The following TMEM41B variants were observed in gnomAD, a reference collection of about 807,000 sequenced individuals.
The protein encoded by TMEM41B is transmembrane protein 41B, also known as protein stasimon.
Under a neutral mutation model 31.9 loss-of-function variants are expected in TMEM41B, and 18 were observed. That is an observed-to-expected ratio of 0.56 (90% CI 0.39 to 0.84). TMEM41B has a LOEUF of 0.84. Ranked by LOEUF, TMEM41B falls within the 40% of genes least tolerant of loss-of-function variation. The pLI is 0.00. For synonymous variants in TMEM41B, 144 were observed against 124.3 expected, an observed-to-expected ratio of 1.16 and a Z score of -1.05; for missense variants, 322 against 348.0, an observed-to-expected ratio of 0.93 and a Z score of 0.59.
chr11:9,290,859 C>CT (rs1455000992), intron 3 of TMEM41B, among the ~76,000 whole-genome samples: 1 of 152,186 alleles, frequency 6.6e-6, no homozygotes, highest in Non-Finnish European at 1.5e-5. Context: ...TGGCTCCCGC[C>CT]TGTAATCCCA....
At chr11:9,291,505 G>T (rs1023362933) in intron 3 of TMEM41B, among the ~76,000 whole-genome samples, 1 of 150,432 alleles carries the variant, frequency 6.6e-6, no homozygotes, top group Non-Finnish European at 1.5e-5. Flanking sequence ...AGGTTCAAGC[G>T]ATTCTCCTGC....
At chr11:9,290,710 T>A (rs1481267100) in intron 3 of TMEM41B, among the ~76,000 whole-genome samples, 10 of 152,194 alleles carry the variant, frequency 6.6e-5, no homozygotes, top group Non-Finnish European at 5.9e-5. Flanking sequence ...CTGTATTTTT[T>A]CCTTTCCCAA....
chr11:9,281,105 C>T lies in TMEM41B; in HGVS notation c.*2319G>A, dbSNP rs1428876699. ...ATCAATGGTAAGGACAGTAAATATA[C>T]TCTGAGAATAGAGTAAGTACAATTT... On this transcript the variant is annotated 3_prime_UTR_variant, in exon 7 of 7. Transcript: ENST00000528080. The T allele has an allele frequency of 1.3e-5, 2 of 151,902 alleles. No homozygotes were observed. The highest frequency in any genetic ancestry group is 2.9e-5 in the Non-Finnish European group (2 of 67,910). 9.4% of individuals were successfully genotyped at this position (151,902 alleles called of 1,614,324 possible).
chr11:9,311,424 G>C, intron 1 of TMEM41B: 1 of 1,384,654 alleles, frequency 7.2e-7, no homozygotes, highest in East Asian at 2.3e-5. Context: ...ACTCACAGGA[G>C]GCATTCCAGG....
intron 1 of TMEM41B, among the ~76,000 whole-genome samples, chr11:9,310,795 C>T (rs1312989054): frequency 2.0e-5 from 3 of 151,460 alleles, no homozygotes; most frequent in Non-Finnish European, 4.4e-5. Context: ...CAAAGCTCAT[C>T]GACCAAACAG....
rs1852763525 is a variant in TMEM41B at position 9,283,303 on chromosome 11, G to C, written c.*121C>G. The C allele has an allele frequency of 1.3e-6, 1 of 792,798 alleles. No homozygotes were observed. Among genetic ancestry groups the C allele is most frequent in the Non-Finnish European group, 1.9e-6 (1 of 523,038 alleles). The allele number at this position is 792,798 out of a possible 1,614,324, so 49.1% of individuals were successfully genotyped here. On this transcript the variant is annotated 3_prime_UTR_variant, in exon 7 of 7. Transcript: ENST00000528080. ...ATGTATTACTTTAACTATCTGATAG[G>C]AAATTTTATTTTACAAATTCCTTGT...
At chr11:9,299,046 C>T (rs1260614204) in intron 2 of TMEM41B, among the ~76,000 whole-genome samples, 2 of 151,678 alleles carry the variant, frequency 1.3e-5, no homozygotes, top group Non-Finnish European at 2.9e-5. Flanking sequence ...TTTGGGAGGC[C>T]GAGGCAGGTG....
In TMEM41B at chr11:9,286,678, T is replaced by C. The variant is rs1852844618; in HGVS notation, c.568-85A>G. On this transcript the variant is annotated intron_variant, in intron 5 of 6. Coordinates refer to ENST00000528080, the MANE Select transcript of TMEM41B (RefSeq NM_015012.4). ...AATATAAACACCTTATTTCAAATTCTCATTCCTGATACTTCAGAGTATACC... is the reference window on the plus strand; with the variant it reads ...AATATAAACACCTTATTTCAAATTCCCATTCCTGATACTTCAGAGTATACC... 4 of 1,338,548 alleles carry C rather than the reference T, an allele frequency of 3.0e-6. No individual in the cohort carries two copies. In the South Asian group the frequency reaches 5.7e-5, roughly 19 times the overall value. 82.9% of individuals were successfully genotyped at this position (1,338,548 alleles called of 1,614,324 possible).
At chr11:9,284,067 A>C (rs1852782530) in intron 6 of TMEM41B, among the ~76,000 whole-genome samples, 1 of 151,990 alleles carries the variant, frequency 6.6e-6, no homozygotes, top group Non-Finnish European at 1.5e-5. Context: ...TACAGGCATG[A>C]GCCCCTGCAC....
rs564381791 is a variant in TMEM41B, at chr11:9,281,103, T to C, written c.*2321A>G. On this transcript the variant is annotated 3_prime_UTR_variant, in exon 7 of 7. Transcript: ENST00000528080. ...GAATCAATGGTAAGGACAGTAAATA[T>C]ACTCTGAGAATAGAGTAAGTACAAT... The C allele has an allele frequency of 3.9e-5, 6 of 152,290 alleles. No individual in the cohort carries two copies. Among genetic ancestry groups the C allele is most frequent in the African/African-American group, 1.4e-4 (6 of 41,560 alleles). The allele number at this position is 152,290 out of a possible 1,614,324, so 9.4% of individuals were successfully genotyped here.
At chr11:9,285,542 G>C (rs1037732322) in intron 6 of TMEM41B, among the ~76,000 whole-genome samples, 6 of 152,058 alleles carry the variant, frequency 3.9e-5, no homozygotes, top group Non-Finnish European at 8.8e-5. Flanking sequence ...CTGGAAAGAA[G>C]AGCAAAACAT....
intron 1 of TMEM41B, among the ~76,000 whole-genome samples, chr11:9,304,462 C>G (rs1853334392): frequency 1.3e-5 from 2 of 151,786 alleles, no homozygotes; most frequent in Admixed American, 1.3e-4. Flanking sequence ...AATATAAACC[C>G]CATTTATTTA....
At chr11:9,297,154 G>C (rs938770550) in intron 2 of TMEM41B, among the ~76,000 whole-genome samples, 4 of 152,020 alleles carry the variant, frequency 2.6e-5, no homozygotes, top group Non-Finnish European at 4.4e-5. Flanking sequence ...GCGTGATCTC[G>C]GCCCACTGCA....
intron 3 of TMEM41B, among the ~76,000 whole-genome samples, chr11:9,289,384 A>G (rs1296838878): frequency 3.3e-5 from 5 of 150,528 alleles, no homozygotes; most frequent in African/African-American, 1.2e-4. Flanking sequence ...CCCCTCTAAT[A>G]TGATTTACTC....
At chr11:9,286,006 T>G (rs1187106627) in intron 6 of TMEM41B, among the ~76,000 whole-genome samples, 1 of 152,042 alleles carries the variant, frequency 6.6e-6, no homozygotes, top group Non-Finnish European at 1.5e-5. Flanking sequence ...TACCAGCTCC[T>G]TGGGAGGCTG....
At chr11:9,284,295 AC>A (rs1852787770) in intron 6 of TMEM41B, among the ~76,000 whole-genome samples, 1 of 151,600 alleles carries the variant, frequency 6.6e-6, no homozygotes, top group African/African-American at 2.4e-5. Flanking sequence ...ACAGGCGTGT[AC>A]CACCACACCC....
chr11:9,293,979 C>T (rs1440952160), intron 3 of TMEM41B, among the ~76,000 whole-genome samples: 1 of 151,734 alleles, frequency 6.6e-6, no homozygotes, highest in Non-Finnish European at 1.5e-5. Context: ...CTGAGGAGCT[C>T]AGGAGTTCAA....
chr11:9,310,339 A>G (rs1853525947), intron 1 of TMEM41B, among the ~76,000 whole-genome samples: 1 of 152,022 alleles, frequency 6.6e-6, no homozygotes, highest in Non-Finnish European at 1.5e-5. Context: ...AGCCTAAGTA[A>G]TGTACATGAC....
Position 9,283,471 on chromosome 11 carries a change from T to C in TMEM41B, c.829A>G (p.Ile277Val), listed in dbSNP as rs777720169. 6 of 1,606,994 alleles carry C rather than the reference T, an allele frequency of 3.7e-6. No individual in the cohort carries two copies. Among genetic ancestry groups the C allele is most frequent in the South Asian group, 3.4e-5 (3 of 88,526 alleles). The part of the protein sequence containing the change: ...FILMILAVLS[I>V]LPAIFQKKLK... ...TTTTTTTGGAAGATGGCTGGCAGAA[T>C]AGAAAGAACAGCCAAGATCATCAGA... is the stretch of plus-strand genomic sequence containing the variant. Residue 277 changes from isoleucine to valine, a missense_variant, in exon 7 of 7, where the codon ATT (isoleucine) becomes GTT (valine). Around this residue, in one of 3 missense-constraint regions of TMEM41B, gnomAD observed 92 missense variants for 88.0 expected, o/e 1.05. Coordinates refer to ENST00000528080, the MANE Select transcript of TMEM41B (RefSeq NM_015012.4).
Sources: allele counts gnomAD v4.1 joint callset (sites outside exome capture counted in the v4.1 genomes callset), GRCh38; gene constraint gnomAD v4.1.1; regional missense constraint gnomAD v4.1.1; transcripts MANE v1.5; gene names NCBI Gene and HGNC (gene_info 2026-07-23, HGNC 2026-07-21).